The following HECW1 variants were observed in gnomAD, a reference collection of about 807,000 sequenced individuals.
HECW1 encodes E3 ubiquitin-protein ligase HECW1.
In HECW1, 61 loss-of-function variants were observed where a neutral mutation model predicts 182.3. That is an observed-to-expected ratio of 0.33 (90% CI 0.27 to 0.41). The LOEUF is 0.41. Ranked by LOEUF, HECW1 falls within the 10% of genes least tolerant of loss-of-function variation. The pLI, the probability that HECW1 is intolerant of heterozygous loss-of-function variation, is 1.00. For missense variants in HECW1, 1,739 were observed against 2,108.9 expected (o/e 0.82, Z 3.44); for synonymous variants, 859 against 832.6 (o/e 1.03, Z -0.55).
At chr7:43,123,012 A>G (rs1266895283) in intron 2 of HECW1, among the ~76,000 whole-genome samples, 14 of 152,226 alleles carry the variant, frequency 9.2e-5, no homozygotes, top group Admixed American at 9.2e-4. Context: ...GCTTATGGTT[A>G]AAGGTGAAAA....
At chr7:43,134,701 C>A (rs1404086459) in intron 2 of HECW1, among the ~76,000 whole-genome samples, 2 of 134,084 alleles carry the variant, frequency 1.5e-5, no homozygotes, top group African/African-American at 6.1e-5. Flanking sequence ...ATATTTTCCT[C>A]AATCTTTCAA....
chr7:43,395,976 TAC>T (rs2075217574), intron 6 of HECW1, among the ~76,000 whole-genome samples: 1 of 152,232 alleles, frequency 6.6e-6, no homozygotes, highest in African/African-American at 2.4e-5. Context: ...CTCTTCCTAG[TAC>T]AGATTACCTT....
chr7:43,530,504 TATGGATGGATGG>T (rs71011921), intron 24 of HECW1, among the ~76,000 whole-genome samples: 1,563 of 150,512 alleles, frequency 0.01, 24 homozygotes, highest in African/African-American at 0.036. Flanking sequence ...CCATATCTTT[TATGGATGGATGG>T]ATGGATGGAT....
chr7:43,125,100 C>A (rs919486148), intron 2 of HECW1, among the ~76,000 whole-genome samples: 3 of 152,140 alleles, frequency 2.0e-5, no homozygotes, highest in Non-Finnish European at 4.4e-5. Flanking sequence ...TCCTTGCACC[C>A]TCGCTTGGTG....
intron 24 of HECW1, among the ~76,000 whole-genome samples, chr7:43,522,065 CT>C (rs1265103767): frequency 6.6e-6 from 1 of 152,172 alleles, no homozygotes; most frequent in African/African-American, 2.4e-5. Flanking sequence ...AGAACAAGGC[CT>C]TACCAGACCC....
intron 19 of HECW1, among the ~76,000 whole-genome samples, chr7:43,499,314 A>G (rs1286563461): frequency 1.3e-5 from 2 of 152,022 alleles, no homozygotes; most frequent in African/African-American, 4.8e-5. Context: ...AAGAAAATAC[A>G]AAAACCTAGC....
intron 5 of HECW1, among the ~76,000 whole-genome samples, chr7:43,357,379 G>T (rs1481378216): frequency 6.6e-6 from 1 of 152,118 alleles, no homozygotes; most frequent in African/African-American, 2.4e-5. Flanking sequence ...ATAGTATTCA[G>T]TCACAAAAAA....
chr7:43,259,010 CCCAGATATGGGAAAAAGTCAGCACT>C lies in HECW1; in HGVS notation c.27+15080_27+15104del, dbSNP rs1800886237. On this transcript the variant is annotated intron_variant, in intron 3 of 29. Coordinates refer to ENST00000395891, the MANE Select transcript of HECW1 (RefSeq NM_015052.5). ...ATGAATGATCTCTTTTACCTTAGCC[CCCAGATATGGGAAAAAGTCAGCACT>C]CTCAAGGAAAACAAAACAAACAATA... is the stretch of plus-strand genomic sequence containing the variant. Among the ~76,000 whole-genome samples, 6 of 151,944 alleles carry C rather than the reference CCCAGATATGGGAAAAAGTCAGCACT, an allele frequency of 3.9e-5. No individual in the cohort carries two copies. The South Asian group carries it at 1.2e-3, about 32-fold the overall frequency.
intron 2 of HECW1, among the ~76,000 whole-genome samples, chr7:43,211,925 T>G (rs1216055550): frequency 3.3e-5 from 5 of 152,210 alleles, no homozygotes; most frequent in Non-Finnish European, 5.9e-5. Context: ...TGTGGAGTAA[T>G]GACAAGTTTC....
At chr7:43,434,071 A>G (rs1229129333) in intron 8 of HECW1, among the ~76,000 whole-genome samples, 2 of 152,248 alleles carry the variant, frequency 1.3e-5, no homozygotes, top group Non-Finnish European at 2.9e-5. Context: ...TTTTGCAGAT[A>G]TAGTTCACAA....
rs756411752 is a variant in HECW1, at chr7:43,445,467, C to T, written c.2295C>T (p.Gly765=). The T allele has an allele frequency of 2.5e-6, 4 of 1,612,622 alleles. No homozygotes were observed. The highest frequency in any genetic ancestry group is 3.3e-5 in the Admixed American group (2 of 60,014). ...SPELDPESTN[G]AGPWQDELAA... ...AGCTGGACCCGGAGTCCACGAACGG[C>T]GCTGGGCCGTGGCAAGACGAGCTGG... The change falls in exon 11 of 30, where the codon GGC becomes GGT. Residue 765 remains glycine, a synonymous_variant. Transcript: ENST00000395891.
rs572749576 is a variant in HECW1 at position 43,347,707 on chromosome 7, G to A, written c.461-13179G>A. ...CACTAAGGTATGTTCCTTCTGTGAC[G>A]ATTTTCCTGAAAGTTTTAATCATAA... On this transcript the variant is annotated intron_variant, in intron 5 of 29. Transcript: ENST00000395891. Among the ~76,000 whole-genome samples the A allele has an allele frequency of 1.1e-4, 16 of 152,004 alleles. No homozygotes were observed. In the South Asian group the frequency reaches 2.9e-3, roughly 28 times the overall value.
chr7:43,346,617 A>T (rs1813714400), intron 5 of HECW1, among the ~76,000 whole-genome samples: 1 of 152,086 alleles, frequency 6.6e-6, no homozygotes, highest in African/African-American at 2.4e-5. Context: ...GAATTTTTAT[A>T]GTTTCAGGTC....
intron 8 of HECW1, among the ~76,000 whole-genome samples, chr7:43,414,129 A>C (rs1332598249): frequency 4.0e-5 from 6 of 151,670 alleles, no homozygotes; most frequent in African/African-American, 1.2e-4. Flanking sequence ...CTTTTATTTC[A>C]TTGAGCAGTG....
chr7:43,529,437 A>G (rs2080893106), intron 24 of HECW1, among the ~76,000 whole-genome samples: 2 of 152,106 alleles, frequency 1.3e-5, no homozygotes, highest in Admixed American at 1.3e-4. Context: ...CCTGGAGAAA[A>G]TGAAATAATT....
intron 16 of HECW1, among the ~76,000 whole-genome samples, chr7:43,476,807 C>T (rs993805453): frequency 2.0e-5 from 3 of 152,050 alleles, no homozygotes; most frequent in Non-Finnish European, 2.9e-5. Flanking sequence ...TTAGTGTTAA[C>T]GATTAACTCA....
chr7:43,517,857 TCAC>T (rs1483182299), intron 24 of HECW1, among the ~76,000 whole-genome samples: 5 of 152,180 alleles, frequency 3.3e-5, no homozygotes, highest in Admixed American at 3.3e-4. Context: ...AGATGAGAAG[TCAC>T]CATAGAATGT....
At chr7:43,357,914 G>A (rs565890602) in intron 5 of HECW1, among the ~76,000 whole-genome samples, 1 of 152,164 alleles carries the variant, frequency 6.6e-6, no homozygotes, top group Admixed American at 6.5e-5. Flanking sequence ...ACTATAAATG[G>A]AAGAAACAAA....
chr7:43,529,921 A>G (rs2080912311), intron 24 of HECW1, among the ~76,000 whole-genome samples: 1 of 151,894 alleles, frequency 6.6e-6, no homozygotes, highest in Admixed American at 6.6e-5. Flanking sequence ...AGAGCCAGTG[A>G]ACTCTTACCA....
Sources: allele counts gnomAD v4.1 joint callset (sites outside exome capture counted in the v4.1 genomes callset), GRCh38; gene constraint gnomAD v4.1.1; transcripts MANE v1.5; gene names NCBI Gene and HGNC (gene_info 2026-07-23, HGNC 2026-07-21).